DNAJB1: variants seen among roughly 807,000 people sequenced by gnomAD.
DNAJB1 encodes DnaJ heat shock protein family (Hsp40) member B1, also known as dnaJ homolog subfamily B member 1.
DNAJB1 carries 14 observed loss-of-function variants against 24.0 expected under a neutral mutation model. The ratio of observed to expected loss-of-function variants is 0.58; its 90% CI spans 0.39 to 0.91. The LOEUF is 0.91. Among genes scored for constraint, DNAJB1 ranks in the 40% least tolerant of loss-of-function variants. DNAJB1 has a pLI of 0.00. For synonymous variants in DNAJB1, 262 were observed against 174.4 expected, an observed-to-expected ratio of 1.50 and a Z score of -3.96; for missense variants, 517 against 458.1, an observed-to-expected ratio of 1.13 and a Z score of -1.17.
intron 1 of DNAJB1, among the ~76,000 whole-genome samples, chr19:14,538,906 G>T (rs1416680285): frequency 1.3e-5 from 2 of 151,836 alleles, no homozygotes; most frequent in Non-Finnish European, 2.9e-5. Context: ...CATATGCCCA[G>T]AAGGTGGAGG....
chr19:14,557,911 G>A (rs979431538), intron 1 of DNAJB1, among the ~76,000 whole-genome samples: 4 of 151,544 alleles, frequency 2.6e-5, no homozygotes, highest in East Asian at 1.9e-4. Flanking sequence ...ACCCACCACC[G>A]CACCCGGCTA....
At chr19:14,521,174 T>C (rs967829483), upstream of DNAJB1, among the ~76,000 whole-genome samples, 1 of 152,108 alleles carries the variant, frequency 6.6e-6, no homozygotes, top group African/African-American at 2.4e-5. Context: ...TTTCTTGCCA[T>C]AGGCCAGGCA....
At chr19:14,518,590 G>C (rs2072322332), upstream of DNAJB1, among the ~76,000 whole-genome samples, 2 of 148,612 alleles carry the variant, frequency 1.3e-5, no homozygotes, top group Non-Finnish European at 3.0e-5. Context: ...GCCCCCTCCC[G>C]CTCCGCCCTC....
At chr19:14,529,815 A>C (rs542276577), upstream of DNAJB1, 4 of 1,550,190 alleles carry the variant, frequency 2.6e-6, no homozygotes, top group South Asian at 4.5e-5. Flanking sequence ...CCCCGAAGGA[A>C]GAGCCAGACG....
At chr19:14,518,058 G>A (rs904677193) in intron 1 of DNAJB1, 81 bp downstream of exon 1, 3 of 1,332,280 alleles carry the variant, frequency 2.3e-6, no homozygotes, top group African/African-American at 1.5e-5. Context: ...CCTTCCCGGG[G>A]GGCCGCCGAG....
At chr19:14,519,316 C>T (rs897558236), upstream of DNAJB1, among the ~76,000 whole-genome samples, 2 of 152,186 alleles carry the variant, frequency 1.3e-5, no homozygotes, top group Non-Finnish European at 1.5e-5. Flanking sequence ...TTGCAGTGAG[C>T]CGAGATCCGG....
chr19:14,536,377 C>T (rs1599418428), intron 1 of DNAJB1, among the ~76,000 whole-genome samples: 1 of 151,234 alleles, frequency 6.6e-6, no homozygotes, highest in East Asian at 2.0e-4. Context: ...TCAAGCGATT[C>T]TCCTGCCTCA....
chr19:14,530,312 ACAGCCACTCTTGAAGCCCAAGT>A (rs923603534), upstream of DNAJB1: 4 of 155,886 alleles, frequency 2.6e-5, no homozygotes, highest in African/African-American at 9.7e-5. Context: ...ATACCCACCC[ACAGCCACTCTTGAAGCCCAAGT>A]CTTCTGACTC....
intron 1 of DNAJB1, chr19:14,529,157 C>A: frequency 5.2e-6 from 1 of 193,708 alleles, no homozygotes. Context: ...AGCCCGCGAC[C>A]CCAGCCCCTA....
At position 14,516,529 on chromosome 19, in the gene DNAJB1, G is replaced by C; in HGVS notation, c.729C>G (p.Pro243=). Residue 243 remains proline (P), a synonymous_variant, in exon 2 of 3, where the codon CCC becomes CCG. Transcript: ENST00000254322. ...ADIVFVLKDK[P]HNIFKRDGSD... ...AGCCATCTCTCTTAAAGATATTGTG[G>C]GGCTTGTCCTTTAAAACAAAGACGA... 7.4e-6 allele frequency: 12 copies of C among 1,614,180 alleles called. No individual in the cohort carries two copies. The highest frequency in any genetic ancestry group is 1.1e-5 in the South Asian group (1 of 91,086).
chr19:14,518,175 G>T lies in DNAJB1; in HGVS notation c.175C>A (p.Arg59Ser). Residue 59 changes from arginine (R) to serine (S), a missense_variant, in exon 1 of 3, where the codon CGC (arginine) becomes AGC (serine). By Grantham distance (110) the Arg-to-Ser change is moderately radical. Transcript: ENST00000254322. ...TAGCGGTCGAAGATCTCGCGCTTGC[G>T]CGGGTCGCTGAGCACGTCGTAGGCC... Reference protein sequence around the residue: ...AEAYDVLSDPRKREIFDRYGE... With the variant: ...AEAYDVLSDPSKREIFDRYGE... The T allele has an allele frequency of 6.3e-7, 1 of 1,589,994 alleles. No homozygotes were observed. The highest frequency in any genetic ancestry group is 8.6e-7 in the Non-Finnish European group (1 of 1,169,348).
At chr19:14,529,948 C>G, upstream of DNAJB1, 1 of 609,976 alleles carries the variant, frequency 1.6e-6, no homozygotes, top group Non-Finnish European at 2.9e-6. Context: ...TCTTGGGGGT[C>G]TCTGCAGGGG....
upstream of DNAJB1, among the ~76,000 whole-genome samples, chr19:14,519,882 G>A (rs776453129): frequency 3.9e-5 from 6 of 152,198 alleles, no homozygotes; most frequent in African/African-American, 7.2e-5. Context: ...GGACAGAGCT[G>A]ATGGGAAAAG....
chr19:14,520,454 A>G (rs1382803312), upstream of DNAJB1, among the ~76,000 whole-genome samples: 1 of 152,060 alleles, frequency 6.6e-6, no homozygotes, highest in African/African-American at 2.4e-5. Context: ...TAAAAAAGTT[A>G]CATAAATAAC....
At chr19:14,518,106 GGCGGGGCC>G (rs768159620) in intron 1 of DNAJB1, 25 bp downstream of exon 1, 9 of 1,441,120 alleles carry the variant, frequency 6.2e-6, no homozygotes, top group Non-Finnish European at 4.6e-6. Flanking sequence ...TCTGTCAAAA[GGCGGGGCC>G]GCGCCCCTGG....
At chr19:14,557,009 C>G (rs905474070) in intron 1 of DNAJB1, among the ~76,000 whole-genome samples, 1 of 152,174 alleles carries the variant, frequency 6.6e-6, no homozygotes, top group African/African-American at 2.4e-5. Context: ...GGATGGGCCC[C>G]TTCAAGAGCA....
upstream of DNAJB1, chr19:14,529,939 C>T (rs2072560497): frequency 1.6e-6 from 1 of 627,834 alleles, no homozygotes; most frequent in African/African-American, 1.8e-5. Flanking sequence ...GGTACTTTTT[C>T]TTGGGGGTCT....
chr19:14,516,430 C>A, intron 2 of DNAJB1, 36 bp downstream of exon 2: 1 of 1,578,096 alleles, frequency 6.3e-7, no homozygotes, highest in South Asian at 1.1e-5. Context: ...AAGCAGCCAT[C>A]GCCCTCTACA....
chr19:14,540,028 C>T (rs1025613060), intron 1 of DNAJB1, among the ~76,000 whole-genome samples: 5 of 151,208 alleles, frequency 3.3e-5, no homozygotes, highest in East Asian at 1.9e-4. Flanking sequence ...TACAGGTACC[C>T]GCCACCATGC....
Sources: allele counts gnomAD v4.1 joint callset (sites outside exome capture counted in the v4.1 genomes callset), GRCh38; gene constraint gnomAD v4.1.1; transcripts MANE v1.5; gene names NCBI Gene and HGNC (gene_info 2026-07-23, HGNC 2026-07-21).